The following CHL1 variants were observed in gnomAD, a reference collection of about 807,000 sequenced individuals.
CHL1 encodes neural cell adhesion molecule L1-like protein.
In CHL1, 96 loss-of-function variants were observed where a neutral mutation model predicts 141.9. The ratio of observed to expected loss-of-function variants is 0.68; its 90% CI spans 0.57 to 0.80. The LOEUF is 0.80. Among genes scored for constraint, CHL1 ranks in the 30% least tolerant of loss-of-function variants. The probability of loss-of-function intolerance (pLI) is 0.00; values close to 1 mark genes in which losing one functional copy is unlikely to be tolerated. For missense variants in CHL1, 1,820 were observed against 1,457.2 expected (o/e 1.25, Z -4.05); for synonymous variants, 613 against 502.2 (o/e 1.22, Z -2.95).
intron 16 of CHL1, among the ~76,000 whole-genome samples, chr3:379,407 C>G (rs1706747331): frequency 6.6e-6 from 1 of 152,004 alleles, no homozygotes; most frequent in Non-Finnish European, 1.5e-5. Context: ...ATTTTCAGGT[C>G]TTTACAAGCA....
chr3:342,936 G>C (rs1410630676), intron 7 of CHL1, 48 bp from the exon 8 acceptor site: 1 of 1,454,778 alleles, frequency 6.9e-7, no homozygotes, highest in Non-Finnish European at 9.5e-7. Context: ...ATTGATATCA[G>C]CATCCACCAT....
In CHL1 at chr3:343,498, G is replaced by A. The variant is rs1482709758; in HGVS notation, c.727+467G>A. Reference sequence around the variant, plus strand: ...CTTTCTGAGAAAAAAACAGTTTGTAGCATTTTTCAAGTTCATGTGTCTGCG... The same window carrying A: ...CTTTCTGAGAAAAAAACAGTTTGTAACATTTTTCAAGTTCATGTGTCTGCG... On this transcript the variant is annotated intron_variant, in intron 8 of 27. Transcript: ENST00000256509. Among the ~76,000 whole-genome samples the A allele has an allele frequency of 2.0e-5, 3 of 152,134 alleles. No individual in the cohort carries two copies. The South Asian group carries it at 6.2e-4, about 32-fold the overall frequency.
intron 2 of CHL1, among the ~76,000 whole-genome samples, chr3:291,645 A>G (rs1481507948): frequency 1.3e-5 from 2 of 152,120 alleles, no homozygotes; most frequent in Admixed American, 1.3e-4. Context: ...TTCTCATTAA[A>G]TACATACTAT....
intron 2 of CHL1, among the ~76,000 whole-genome samples, chr3:316,126 G>A (rs531529619): frequency 7.9e-5 from 12 of 152,112 alleles, no homozygotes; most frequent in African/African-American, 2.9e-4. Context: ...GTGCCATCTT[G>A]TCTGCTCCTT....
chr3:356,540 G>A (rs1703732280), intron 11 of CHL1, among the ~76,000 whole-genome samples: 1 of 152,176 alleles, frequency 6.6e-6, no homozygotes, highest in African/African-American at 2.4e-5. Flanking sequence ...GCTATGGTGT[G>A]ATAAAGCAGA....
intron 2 of CHL1, among the ~76,000 whole-genome samples, chr3:272,812 A>G (rs772941761): frequency 1.3e-5 from 2 of 152,208 alleles, no homozygotes; most frequent in Non-Finnish European, 2.9e-5. Flanking sequence ...TCATCCATCC[A>G]GTACTTACTG....
intron 6 of CHL1, 78 bp from the exon 7 acceptor site, chr3:341,834 G>C: frequency 8.3e-7 from 1 of 1,199,932 alleles, no homozygotes; most frequent in Non-Finnish European, 1.1e-6. Context: ...AAATAATAAT[G>C]TAAAAGAAAA....
At chr3:226,102 AC>A (rs1251679981) in intron 1 of CHL1, among the ~76,000 whole-genome samples, 1 of 149,114 alleles carries the variant, frequency 6.7e-6, no homozygotes, top group Non-Finnish European at 1.5e-5. Context: ...GCTCACTGCA[AC>A]CTCCACCGTC....
At chr3:299,864 C>A (rs915736954) in intron 2 of CHL1, among the ~76,000 whole-genome samples, 1 of 152,180 alleles carries the variant, frequency 6.6e-6, no homozygotes, top group African/African-American at 2.4e-5. Flanking sequence ...AGTGAGATTG[C>A]TTTGGAAATA....
At chr3:357,203 C>T (rs1703799469) in intron 11 of CHL1, among the ~76,000 whole-genome samples, 1 of 152,292 alleles carries the variant, frequency 6.6e-6, no homozygotes, top group South Asian at 2.1e-4. Flanking sequence ...CAGCTTTTGG[C>T]CCTGGCTCTA....
In CHL1 at chr3:199,521, A is replaced by T. The variant is rs184421557; in HGVS notation, c.-175+2458A>T. On this transcript the variant is annotated intron_variant, in intron 1 of 27. Coordinates refer to ENST00000256509, the MANE Select transcript of CHL1 (RefSeq NM_006614.4). ...CTTCGTGGGCCTAGCTGTAGGTCTA[A>T]GAGGAGTTGATTTTGCACATACTAT... is the stretch of plus-strand genomic sequence containing the variant. 2.8e-3 allele frequency among the ~76,000 whole-genome samples: 432 copies of T among 152,358 alleles called. 4 individuals carry two copies. The highest frequency in any genetic ancestry group is 9.8e-3 in the African/African-American group (408 of 41,586).
chr3:358,050 A>G (rs977979176), intron 11 of CHL1, among the ~76,000 whole-genome samples: 1 of 152,210 alleles, frequency 6.6e-6, no homozygotes, highest in African/African-American at 2.4e-5. Context: ...ACAGGATTGT[A>G]TTAGTTTTCT....
chr3:221,247 A>G (rs560158196), intron 1 of CHL1, among the ~76,000 whole-genome samples: 2 of 152,360 alleles, frequency 1.3e-5, no homozygotes, highest in South Asian at 2.1e-4. Context: ...AAGCTGTGTC[A>G]TGGGCCATGG....
intron 1 of CHL1, among the ~76,000 whole-genome samples, chr3:234,981 CT>C (rs1309154713): frequency 2.4e-5 from 3 of 126,260 alleles, no homozygotes; most frequent in African/African-American, 8.1e-5. Context: ...ATTTATAATT[CT>C]TTTTTTATTA....
In CHL1 at chr3:407,590, G is replaced by A. The variant is rs769513353; in HGVS notation, c.*1879G>A. On this transcript the variant is annotated 3_prime_UTR_variant, in exon 28 of 28. Coordinates refer to ENST00000256509, the MANE Select transcript of CHL1 (RefSeq NM_006614.4). ...CCGATTTCTAAGGTTCCAGTTTTCT[G>A]GAGGGACAGTCATCATGTTTTGATT... 1 of 152,068 alleles carries A rather than the reference G, an allele frequency of 6.6e-6. No homozygotes were observed. The highest frequency in any genetic ancestry group is 1.5e-5 in the Non-Finnish European group (1 of 68,032). 9.4% of individuals were successfully genotyped at this position (152,068 alleles called of 1,614,324 possible).
intron 19 of CHL1, 87 bp downstream of exon 19, chr3:383,973 T>A: frequency 1.2e-6 from 1 of 806,670 alleles, no homozygotes; most frequent in East Asian, 2.5e-5. Context: ...TAGCACAACA[T>A]TTTTTTAAGA....
intron 1 of CHL1, among the ~76,000 whole-genome samples, chr3:238,990 G>T (rs1237452451): frequency 2.0e-5 from 3 of 151,838 alleles, no homozygotes; most frequent in Non-Finnish European, 2.9e-5. Flanking sequence ...TGAGAATAAG[G>T]CATGTAGCTG....
At chr3:203,636 G>A (rs1282196835) in intron 1 of CHL1, among the ~76,000 whole-genome samples, 1 of 152,258 alleles carries the variant, frequency 6.6e-6, no homozygotes, top group Non-Finnish European at 1.5e-5. Context: ...GGAAGGTGAA[G>A]TTCCTGGAAG....
chr3:208,079 A>G (rs1377411401), intron 1 of CHL1, among the ~76,000 whole-genome samples: 1 of 152,194 alleles, frequency 6.6e-6, no homozygotes, highest in Non-Finnish European at 1.5e-5. Context: ...ATCTCCATAC[A>G]CAAGACCTTC....
Sources: allele counts gnomAD v4.1 joint callset (sites outside exome capture counted in the v4.1 genomes callset), GRCh38; gene constraint gnomAD v4.1.1; transcripts MANE v1.5; gene names NCBI Gene and HGNC (gene_info 2026-07-23, HGNC 2026-07-21).